FGGY: variants seen among roughly 807,000 people sequenced by gnomAD.
The protein encoded by FGGY is FGGY carbohydrate kinase domain-containing protein.
In FGGY, 72 loss-of-function variants were observed where a neutral mutation model predicts 71.3. The ratio of observed to expected loss-of-function variants is 1.01; its 90% CI spans 0.84 to 1.23. The LOEUF (loss-of-function observed/expected upper bound fraction) is 1.23. Among genes scored for constraint, FGGY ranks in the 50% most tolerant of loss-of-function variants. The pLI, the probability that FGGY is intolerant of heterozygous loss-of-function variation, is 0.00. For missense variants in FGGY, 668 were observed against 682.3 expected (o/e 0.98, Z 0.23); for synonymous variants, 251 against 250.3 (o/e 1.00, Z -0.02).
intron 5 of FGGY, among the ~76,000 whole-genome samples, chr1:59,413,808 A>G (rs1306201978): frequency 6.6e-6 from 1 of 152,148 alleles, no homozygotes; most frequent in Non-Finnish European, 1.5e-5. Context: ...AAAAAATACA[A>G]TAATTAGCTG....
At chr1:59,555,541 G>A (rs2153708284) in intron 8 of FGGY, among the ~76,000 whole-genome samples, 1 of 152,298 alleles carries the variant, frequency 6.6e-6, no homozygotes, top group Non-Finnish European at 1.5e-5. Context: ...CACTAGGACT[G>A]TTGTTGTTAC....
intron 6 of FGGY, among the ~76,000 whole-genome samples, chr1:59,479,721 CG>C (rs1322357936): frequency 6.6e-6 from 1 of 151,982 alleles, no homozygotes; most frequent in East Asian, 1.9e-4. Context: ...TACAGAGGAT[CG>C]GGGAAAAGAT....
chr1:59,583,938 G>A lies in FGGY; in HGVS notation c.904-23865G>A, dbSNP rs182113615. ...CTAACCACTGCTGCTCGGAAGTGTC[G>A]ACGGCTCACCACTTATGTGTTGGCT... On this transcript the variant is annotated intron_variant, in intron 8 of 15. Coordinates refer to ENST00000303721, the MANE Select transcript of FGGY (RefSeq NM_018291.5). 5.2e-5 allele frequency among the ~76,000 whole-genome samples: 6 copies of A among 116,000 alleles called. 1 individual carries two copies. The highest frequency in any genetic ancestry group is 3.3e-4 in the Admixed American group (4 of 12,056). 76.1% of individuals were successfully genotyped at this position (116,000 alleles called of 152,430 possible). A position where few individuals can be genotyped will look rare whatever the true frequency, so the allele number is the denominator to read the frequency against.
chr1:59,364,637 C>G (rs1388142605), intron 4 of FGGY, among the ~76,000 whole-genome samples: 1 of 152,140 alleles, frequency 6.6e-6, no homozygotes. Flanking sequence ...AGCTTTCAGT[C>G]TAGTGAGAGA....
rs564815178 is a variant in FGGY at position 59,541,232 on chromosome 1, A to G, written c.800-12892A>G. Among the ~76,000 whole-genome samples the G allele has an allele frequency of 1.2e-4, 19 of 152,290 alleles. No individual in the cohort carries two copies. The East Asian group carries it at 1.3e-3, about 11-fold the overall frequency. ...TAACCAGGGATTCTGAGCCTCTTTC[A>G]TCTCTGCCTTGGGCCACACAGCCCC... On this transcript the variant is annotated intron_variant, in intron 7 of 15. Transcript: ENST00000303721.
chr1:59,402,557 G>A (rs1219003530), intron 5 of FGGY, among the ~76,000 whole-genome samples: 1 of 152,144 alleles, frequency 6.6e-6, no homozygotes, highest in African/African-American at 2.4e-5. Flanking sequence ...TGTTTTTGCG[G>A]ACTCTGAAGA....
chr1:59,399,343 G>A (rs10218646), intron 5 of FGGY, among the ~76,000 whole-genome samples: 1,800 of 152,174 alleles, frequency 0.012, 21 homozygotes, highest in African/African-American at 0.042. Context: ...TTATATGTCA[G>A]GCATTATATT....
At chr1:59,677,553 G>T (rs935210588) in intron 14 of FGGY, among the ~76,000 whole-genome samples, 2 of 152,144 alleles carry the variant, frequency 1.3e-5, no homozygotes, top group African/African-American at 4.8e-5. Context: ...AGGAGACAGG[G>T]TTTTCATAGG....
At chr1:59,332,106 A>G (rs978906555) in intron 2 of FGGY, 2 of 152,186 alleles carry the variant, frequency 1.3e-5, no homozygotes, top group Non-Finnish European at 2.9e-5. Context: ...AATATGGCAG[A>G]TCTTGCTGAT....
intron 6 of FGGY, among the ~76,000 whole-genome samples, chr1:59,507,684 A>ATTTTTTTTTTTTTTTTTTTTTTT (rs561953004): frequency 3.4e-4 from 36 of 106,902 alleles, no homozygotes; most frequent in African/African-American, 1.0e-3. Context: ...TGCTTGGCTA[A>ATTTTTTTTTTTTTTTTTTTTTTT]TTTTTTTTTT....
intron 7 of FGGY, among the ~76,000 whole-genome samples, chr1:59,537,671 A>G (rs530641999): frequency 8.8e-4 from 134 of 152,236 alleles, no homozygotes; most frequent in African/African-American, 3.1e-3. Context: ...GGAACAGAAC[A>G]GAGCCCTCAG....
chr1:59,646,332 A>G (rs1415743923), intron 11 of FGGY, among the ~76,000 whole-genome samples: 1 of 151,736 alleles, frequency 6.6e-6, no homozygotes, highest in East Asian at 1.9e-4. Context: ...TTTTTTACAT[A>G]TTTTTGCTTA....
At chr1:59,414,914 G>A (rs1258450228) in intron 5 of FGGY, among the ~76,000 whole-genome samples, 1 of 152,232 alleles carries the variant, frequency 6.6e-6, no homozygotes, top group Non-Finnish European at 1.5e-5. Flanking sequence ...TACAAGGCAG[G>A]GTGGAGAAAG....
intron 14 of FGGY, among the ~76,000 whole-genome samples, chr1:59,692,420 A>G (rs1432607520): frequency 6.6e-6 from 1 of 152,216 alleles, no homozygotes; most frequent in Non-Finnish European, 1.5e-5. Flanking sequence ...TCCAGGGAAG[A>G]TAATTATGTA....
intron 4 of FGGY, among the ~76,000 whole-genome samples, chr1:59,364,668 A>T (rs1339800305): frequency 2.6e-5 from 4 of 152,214 alleles, no homozygotes; most frequent in Admixed American, 1.3e-4. Context: ...TGAACAGATG[A>T]TGGGAAATGC....
intron 5 of FGGY, among the ~76,000 whole-genome samples, chr1:59,409,597 TTTA>T (rs989993123): frequency 3.7e-5 from 3 of 81,834 alleles, no homozygotes; most frequent in African/African-American, 1.5e-4. Context: ...GGAAGAGTTT[TTTA>T]TATATATATA....
intron 14 of FGGY, among the ~76,000 whole-genome samples, chr1:59,752,799 G>A (rs761078854): frequency 3.9e-5 from 6 of 152,102 alleles, no homozygotes; most frequent in Admixed American, 6.5e-5. Flanking sequence ...TCTCAGCCTC[G>A]ACACACCAGG....
Position 59,625,980 on chromosome 1 carries a change from T to C in FGGY, c.1012-8T>C, listed in dbSNP as rs776448630. 5.0e-6 allele frequency: 8 copies of C among 1,593,844 alleles called. No individual in the cohort carries two copies. In the African/African-American group the frequency reaches 1.1e-4, roughly 21 times the overall value. On this transcript the variant is annotated splice_polypyrimidine_tract_variant and splice_region_variant and intron_variant, in intron 9 of 15. Coordinates refer to ENST00000303721, the MANE Select transcript of FGGY (RefSeq NM_018291.5). ...CTATAAAATTGACCCATGTCTCTTA[T>C]TTTTCAGATAGACCACATGGTACAA...
intron 2 of FGGY, among the ~76,000 whole-genome samples, chr1:59,329,060 A>T (rs918041269): frequency 6.6e-6 from 1 of 152,214 alleles, no homozygotes; most frequent in Non-Finnish European, 1.5e-5. Context: ...ACACTGATAG[A>T]CTTGCTCTTT....
Sources: allele counts gnomAD v4.1 joint callset (sites outside exome capture counted in the v4.1 genomes callset), GRCh38; gene constraint gnomAD v4.1.1; transcripts MANE v1.5; gene names NCBI Gene and HGNC (gene_info 2026-07-23, HGNC 2026-07-21).